XPA: variants seen among roughly 807,000 people sequenced by gnomAD.
The protein encoded by XPA is DNA repair protein complementing XP-A cells.
XPA carries 27 observed loss-of-function variants against 35.7 expected under a neutral mutation model. The ratio of observed to expected loss-of-function variants is 0.76; its 90% confidence interval spans 0.56 to 1.04. XPA has a LOEUF of 1.04. XPA is among the 50% of genes least tolerant of loss of function. The pLI is 0.00. For missense variants in XPA, 354 were observed against 342.7 expected (o/e 1.03, Z -0.26); for synonymous variants, 133 against 118.4 (o/e 1.12, Z -0.80).
chr9:97,674,394 A>C (rs3176759), downstream of XPA, among the ~76,000 whole-genome samples: 2,133 of 152,320 alleles, frequency 0.014, 101 homozygotes, highest in East Asian at 0.13. Flanking sequence ...GTTTTGACTT[A>C]GCCTTTCTCC....
chr9:97,692,634 G>A (rs1206668988), intron 2 of XPA, among the ~76,000 whole-genome samples: 1 of 152,112 alleles, frequency 6.6e-6, no homozygotes, highest in Non-Finnish European at 1.5e-5. Context: ...AAAATGTGCA[G>A]TTTTCTAATT....
the XPA span, among the ~76,000 whole-genome samples, chr9:97,667,712 A>G: frequency 1.3e-5 from 2 of 152,214 alleles, no homozygotes; most frequent in African/African-American, 4.8e-5. Flanking sequence ...GTGCTGTCCA[A>G]CACAGTAGCC....
the XPA span, among the ~76,000 whole-genome samples, chr9:97,664,893 C>T: frequency 1.3e-5 from 2 of 152,172 alleles, no homozygotes; most frequent in East Asian, 1.9e-4. Context: ...ATTAACAAGA[C>T]ACCTGAGGGA....
downstream of XPA, chr9:97,671,411 T>C (rs1437056049): frequency 4.1e-6 from 2 of 490,922 alleles, no homozygotes; most frequent in Admixed American, 3.6e-5. Flanking sequence ...ATGACCATGA[T>C]ATATTATATA....
chr9:97,668,746 C>G, the XPA span: 1 of 1,336,682 alleles, frequency 7.5e-7, no homozygotes, highest in Non-Finnish European at 1.0e-6. Flanking sequence ...GAATATAAGT[C>G]TTAACATTTG....
chr9:97,660,086 G>T, the XPA span, among the ~76,000 whole-genome samples: 1 of 152,180 alleles, frequency 6.6e-6, no homozygotes, highest in South Asian at 2.1e-4. Context: ...TGTGTCTAAT[G>T]TGAATATCTT....
chr9:97,692,683 A>G (rs1288185678), intron 2 of XPA, among the ~76,000 whole-genome samples: 1 of 152,194 alleles, frequency 6.6e-6, no homozygotes, highest in Non-Finnish European at 1.5e-5. Context: ...AAATAAACAC[A>G]ATGATAATTT....
the XPA span, chr9:97,668,721 G>T: frequency 9.7e-7 from 1 of 1,028,598 alleles, no homozygotes; most frequent in Non-Finnish European, 1.4e-6. Flanking sequence ...GGGGTGGGGG[G>T]GTACTTTCAC....
At chr9:97,684,535 C>T (rs1828649477) in intron 5 of XPA, among the ~76,000 whole-genome samples, 1 of 152,138 alleles carries the variant, frequency 6.6e-6, no homozygotes. Context: ...ATGACTAAGA[C>T]TTAGGGCATG....
chr9:97,686,627 A>G (rs939851686), intron 4 of XPA, among the ~76,000 whole-genome samples: 6 of 152,260 alleles, frequency 3.9e-5, no homozygotes, highest in African/African-American at 1.2e-4. Context: ...TCAAAGTGCC[A>G]TATTAGAAGC....
chr9:97,685,946 C>T lies in XPA; in HGVS notation c.556-906G>A, dbSNP rs3176686. Among the ~76,000 whole-genome samples the T allele has an allele frequency of 7.6e-3, 1,160 of 152,210 alleles. 12 individuals are homozygous for T. The highest frequency in any genetic ancestry group is 0.027 in the African/African-American group (1,101 of 41,530). ...TGCAAAAGTCGTGATATATGACAAA[C>T]TATAATAAAGTCTAATGGCACTATT... On this transcript the variant is annotated intron_variant, in intron 4 of 5. Coordinates refer to ENST00000375128, the MANE Select transcript of XPA (RefSeq NM_000380.4).
chr9:97,658,602 A>G, the XPA span: 1 of 1,496,140 alleles, frequency 6.7e-7, no homozygotes, highest in Non-Finnish European at 9.3e-7. Context: ...AATGGGACTG[A>G]TAAAAGATAT....
intron 2 of XPA, among the ~76,000 whole-genome samples, chr9:97,690,276 T>C (rs1160607306): frequency 6.6e-6 from 1 of 152,236 alleles, no homozygotes; most frequent in African/African-American, 2.4e-5. Context: ...AGTGGCACGA[T>C]CTCAGCTCAG....
At chr9:97,669,792 G>C in the XPA span, 3 of 946,510 alleles carry the variant, frequency 3.2e-6, no homozygotes, top group Non-Finnish European at 5.1e-6. Flanking sequence ...AAATTTGTTA[G>C]GAGGTTATAT....
chr9:97,664,471 T>C, the XPA span: 1 of 1,477,232 alleles, frequency 6.8e-7, no homozygotes, highest in Non-Finnish European at 9.4e-7. Context: ...ATGAAACTTG[T>C]GTTCCCTAAG....
chr9:97,672,365 A>G (rs1389019646), downstream of XPA: 1 of 152,178 alleles, frequency 6.6e-6, no homozygotes, highest in African/African-American at 2.4e-5. Flanking sequence ...ATATTTTGAT[A>G]TATTTTTGCT....
intron 1 of XPA, among the ~76,000 whole-genome samples, chr9:97,696,728 A>G (rs1829053292): frequency 6.6e-6 from 1 of 152,178 alleles, no homozygotes; most frequent in Non-Finnish European, 1.5e-5. Flanking sequence ...AACTAGTTCT[A>G]GGTATAGAGG....
Position 97,697,113 on chromosome 9 carries a change from G to A in XPA, c.172+8C>T. 1 of 1,539,218 alleles carries A rather than the reference G, an allele frequency of 6.5e-7. No homozygotes were observed. Among genetic ancestry groups the A allele is most frequent in the Middle Eastern group, 2.3e-4 (1 of 4,326 alleles). On this transcript the variant is annotated splice_region_variant and intron_variant, in intron 1 of 5. Coordinates refer to ENST00000375128, the MANE Select transcript of XPA (RefSeq NM_000380.4). ...GAGGGAAGGGGAAAGCGCGGACGCG[G>A]CCCAAACCTCCAGTAGCCGCAGCCG...
rs1326902057 is a variant in XPA, at chr9:97,697,262, C to G, written c.31G>C (p.Ala11Pro). 1 of 1,599,530 alleles carries G rather than the reference C, an allele frequency of 6.3e-7. No individual in the cohort carries two copies. The highest frequency in any genetic ancestry group is 8.5e-7 in the Non-Finnish European group (1 of 1,179,208). Reference protein sequence around the residue: MAAADGALPEAAALEQPAELP... With the variant: MAAADGALPEPAALEQPAELP... ...TCCGCGGGTTGCTCTAAAGCCGCCG[C>G]CTCCGGCAAAGCCCCGTCGGCCGCC... The change falls in exon 1 of 6, where the codon GCG becomes CCG. Residue 11 changes from alanine (A) to proline (P), a missense_variant. Coordinates refer to ENST00000375128, the MANE Select transcript of XPA (RefSeq NM_000380.4).
Sources: allele counts gnomAD v4.1 joint callset (sites outside exome capture counted in the v4.1 genomes callset), GRCh38; gene constraint gnomAD v4.1.1; transcripts MANE v1.5; gene names NCBI Gene and HGNC (gene_info 2026-07-23, HGNC 2026-07-21).